Variants in TMEM161B observed in about 807,000 individuals in gnomAD.
TMEM161B encodes the protein transmembrane protein 161B.
A neutral mutation model predicts 61.8 loss-of-function variants in TMEM161B; 34 were observed. The ratio of observed to expected loss-of-function variants is 0.55; its 90% confidence interval spans 0.42 to 0.73. The LOEUF is 0.73. Ranked by LOEUF, TMEM161B falls within the 30% of genes least tolerant of loss-of-function variation. The probability of loss-of-function intolerance (pLI) is 0.00; values close to 1 mark genes in which losing one functional copy is unlikely to be tolerated. For synonymous variants in TMEM161B, 167 were observed against 192.8 expected (o/e 0.87, Z 1.11); for missense variants, 456 against 558.5 (o/e 0.82, Z 1.85).
At chr5:88,197,816 T>G (rs758634018) in intron 10 of TMEM161B, 51 bp from the exon 11 acceptor site, 17 of 1,466,896 alleles carry the variant, frequency 1.2e-5, no homozygotes, top group Non-Finnish European at 1.5e-5. Flanking sequence ...ATGTTAGGAG[T>G]GAATTAAACT....
Position 88,268,704 on chromosome 5 carries a change from C to A in TMEM161B, c.3+17G>T. 6.2e-7 allele frequency: 1 copy of A among 1,614,158 alleles called. No individual in the cohort carries two copies. The highest frequency in any genetic ancestry group is 8.5e-7 in the Non-Finnish European group (1 of 1,180,006). On this transcript the variant is annotated intron_variant, in intron 1 of 11. Coordinates refer to ENST00000296595, the MANE Select transcript of TMEM161B (RefSeq NM_153354.5). Reference sequence around the variant, plus strand: ...TCGCCCCACCGTTGTCACTCCTGCCCTCACAGAAGAACTCACCATGGCGCC... The same window carrying A: ...TCGCCCCACCGTTGTCACTCCTGCCATCACAGAAGAACTCACCATGGCGCC...
chr5:88,241,771 C>T (rs887175909), intron 1 of TMEM161B, among the ~76,000 whole-genome samples: 5 of 151,788 alleles, frequency 3.3e-5, no homozygotes, highest in African/African-American at 1.2e-4. Flanking sequence ...CTTCTTTCCT[C>T]TCTTCACATC....
intron 1 of TMEM161B, among the ~76,000 whole-genome samples, chr5:88,249,610 A>G (rs1185054337): frequency 3.9e-5 from 6 of 152,132 alleles, no homozygotes; most frequent in Admixed American, 2.0e-4. Context: ...GAGAAGGAGT[A>G]GAGGAAGCAT....
At chr5:88,251,395 T>A (rs1486114123) in intron 1 of TMEM161B, among the ~76,000 whole-genome samples, 2 of 152,142 alleles carry the variant, frequency 1.3e-5, no homozygotes, top group African/African-American at 4.8e-5. Context: ...CACCTACATC[T>A]TAACAGAACT....
chr5:88,211,768 CAAAAAAA>C (rs61376905), intron 5 of TMEM161B, among the ~76,000 whole-genome samples: 7 of 116,564 alleles, frequency 6.0e-5, no homozygotes, highest in African/African-American at 2.3e-4. Context: ...GAACTCCATC[CAAAAAAA>C]AAAAAAAAAA....
At chr5:88,209,474 TTTG>T (rs1746252793) in intron 5 of TMEM161B, among the ~76,000 whole-genome samples, 2 of 152,166 alleles carry the variant, frequency 1.3e-5, no homozygotes, top group African/African-American at 2.4e-5. Context: ...ACCACCACAC[TTTG>T]TTATCCTAGA....
At position 88,196,413 on chromosome 5, in the gene TMEM161B, A is replaced by G. The variant is rs769916974; in HGVS notation, c.1262T>C (p.Val421Ala). 95 of 1,613,344 alleles carry G rather than the reference A, an allele frequency of 5.9e-5. No individual in the cohort carries two copies. The highest frequency in any genetic ancestry group is 7.9e-5 in the Non-Finnish European group (93 of 1,179,494). Residue 421 changes from valine to alanine, a missense_variant, in exon 12 of 12, where the codon GTT becomes GCT. Val to Ala is a moderately conservative substitution (Grantham distance 64). Transcript: ENST00000296595. ...TTCAGCTGATGGTAATTCAGAGTAA[A>G]CAGAATTGGACAGTAGACTATTATC... ...PVDNSLLSNS[V>A]YSELPSAEGK...
At chr5:88,246,215 C>A (rs1488734086) in intron 1 of TMEM161B, among the ~76,000 whole-genome samples, 1 of 151,330 alleles carries the variant, frequency 6.6e-6, no homozygotes, top group African/African-American at 2.4e-5. Context: ...TTATTATATT[C>A]TTCTATATAA....
At chr5:88,189,755 T>C (rs1748599175) in exon 13 of TMEM161B, 2 of 279,978 alleles carry the variant, frequency 7.1e-6, no homozygotes, top group East Asian at 7.3e-5. Flanking sequence ...GCCTATGATA[T>C]AGTATTTTAT....
chr5:88,268,317 G>A (rs1756679815), intron 1 of TMEM161B, among the ~76,000 whole-genome samples: 2 of 152,192 alleles, frequency 1.3e-5, no homozygotes, highest in African/African-American at 4.8e-5. Context: ...TGTCCACCTG[G>A]AGAGGCTAAA....
At chr5:88,245,298 T>C (rs1753434744) in intron 1 of TMEM161B, among the ~76,000 whole-genome samples, 1 of 151,958 alleles carries the variant, frequency 6.6e-6, no homozygotes, top group South Asian at 2.1e-4. Context: ...TTGAATTTAC[T>C]ATCCTATTTT....
downstream of TMEM161B, among the ~76,000 whole-genome samples, chr5:88,187,524 C>T (rs540765158): frequency 1.0e-3 from 153 of 152,236 alleles, 2 homozygotes; most frequent in South Asian, 0.027. Context: ...GTTCAGTGTA[C>T]AGGTCTTATA....
At chr5:88,219,015 A>G (rs1748432890) in intron 5 of TMEM161B, among the ~76,000 whole-genome samples, 1 of 152,174 alleles carries the variant, frequency 6.6e-6, no homozygotes, top group South Asian at 2.1e-4. Flanking sequence ...GAAGATGACA[A>G]TCAGTGATAC....
intron 5 of TMEM161B, among the ~76,000 whole-genome samples, chr5:88,208,352 G>A (rs1221625269): frequency 6.6e-6 from 1 of 152,192 alleles, no homozygotes; most frequent in Non-Finnish European, 1.5e-5. Context: ...CATGGGGGCG[G>A]GCGCCTGTAG....
rs539548063 is a variant in TMEM161B at position 88,265,690 on chromosome 5, T to C, written c.3+3031A>G. ...CACTGTACTCTTTGAGCCTATTATA[T>C]GTGTTTCTCTTATAGCATTTACACA... On this transcript the variant is annotated intron_variant, in intron 1 of 11. Transcript: ENST00000296595. Among the ~76,000 whole-genome samples the C allele has an allele frequency of 3.3e-5, 5 of 152,238 alleles. No homozygotes were observed. In the South Asian group the frequency reaches 6.2e-4, roughly 19 times the overall value.
intron 2 of TMEM161B, among the ~76,000 whole-genome samples, chr5:88,236,567 A>C (rs1751892774): frequency 6.6e-6 from 1 of 152,186 alleles, no homozygotes; most frequent in African/African-American, 2.4e-5. Flanking sequence ...CAACTGTTAG[A>C]ACAAGTGTTC....
intron 2 of TMEM161B, among the ~76,000 whole-genome samples, chr5:88,228,766 A>G (rs1750491188): frequency 6.6e-6 from 1 of 152,192 alleles, no homozygotes; most frequent in Non-Finnish European, 1.5e-5. Flanking sequence ...ATTTGTATGT[A>G]TATTTCTTAC....
In TMEM161B at chr5:88,221,553, A is replaced by G. The variant is rs368971328; in HGVS notation, c.290-834T>C. 220 of 367,936 alleles carry G rather than the reference A, an allele frequency of 6.0e-4. 1 individual carries two copies. The highest frequency in any genetic ancestry group is 4.3e-3 in the African/African-American group (205 of 47,172). The allele number at this position is 367,936 out of a possible 1,614,324, so 22.8% of individuals were successfully genotyped here. On this transcript the variant is annotated intron_variant, in intron 4 of 11. Transcript: ENST00000296595. ...CCTCTTATACCCTATTTTGTTCTGC[A>G]AAAAAGTTTATAAAATGTCTGTTGA...
intron 1 of TMEM161B, among the ~76,000 whole-genome samples, chr5:88,258,309 T>C (rs1227496509): frequency 6.6e-6 from 1 of 152,186 alleles, no homozygotes; most frequent in Non-Finnish European, 1.5e-5. Flanking sequence ...AAAAGACTGC[T>C]ATATTCGACA....
Sources: allele counts gnomAD v4.1 joint callset (sites outside exome capture counted in the v4.1 genomes callset), GRCh38; gene constraint gnomAD v4.1.1; transcripts MANE v1.5; gene names NCBI Gene and HGNC (gene_info 2026-07-23, HGNC 2026-07-21).